The following RFC3 variants were observed in gnomAD, a reference collection of about 807,000 sequenced individuals.
RFC3 encodes the protein replication factor C subunit 3.
A neutral mutation model predicts 45.1 loss-of-function variants in RFC3; 41 were observed. The observed-to-expected ratio is 0.91, with a 90% CI of 0.71 to 1.18. The LOEUF (loss-of-function observed/expected upper bound fraction) is 1.18. Ranked by LOEUF, RFC3 falls within the 50% of genes most tolerant of loss-of-function variation. RFC3 has a pLI of 0.00. For synonymous variants in RFC3, 149 were observed against 144.0 expected, an observed-to-expected ratio of 1.03 and a Z score of -0.25; for missense variants, 423 against 428.1, an observed-to-expected ratio of 0.99 and a Z score of 0.10.
chr13:33,923,325 G>A (rs1593694553), intron 8 of RFC3, among the ~76,000 whole-genome samples: 1 of 152,072 alleles, frequency 6.6e-6, no homozygotes, highest in African/African-American at 2.4e-5. Context: ...TATTGACACA[G>A]GGAGGGGGTC....
downstream of RFC3, among the ~76,000 whole-genome samples, chr13:33,840,689 G>A (rs1053887321): frequency 1.7e-4 from 23 of 135,570 alleles, no homozygotes; most frequent in African/African-American, 3.7e-4. Context: ...CCATTTATAC[G>A]TAGTTTTTTT....
At chr13:33,908,862 A>G (rs2082687916) in intron 8 of RFC3, among the ~76,000 whole-genome samples, 1 of 152,078 alleles carries the variant, frequency 6.6e-6, no homozygotes, top group African/African-American at 2.4e-5. Context: ...AATGTTTAAA[A>G]GCAGAAAAAG....
intron 6 of RFC3, 142 bp from the exon 7 acceptor site, chr13:33,831,114 A>G (rs901658644): frequency 1.4e-5 from 9 of 630,394 alleles, no homozygotes; most frequent in Non-Finnish European, 2.5e-5. Context: ...GGTGGAACTC[A>G]GGCCATAATG....
In RFC3 at chr13:33,836,080, A is replaced by T. The variant is rs779766997; in HGVS notation, c.880-24A>T. On this transcript the variant is annotated intron_variant, in intron 8 of 8. Transcript: ENST00000380071. ...TTAGCTGTTTTTATTAATGATTTTT[A>T]AATTACTGATTATTTTTGTTTAGGG... 11 of 1,586,792 alleles carry T rather than the reference A, an allele frequency of 6.9e-6. No homozygotes were observed. In the East Asian group the frequency reaches 2.3e-4, roughly 33 times the overall value.
chr13:33,869,799 C>T (rs1410090921), intron 8 of RFC3, among the ~76,000 whole-genome samples: 1 of 152,160 alleles, frequency 6.6e-6, no homozygotes, highest in Non-Finnish European at 1.5e-5. Context: ...TGTCCGGTGT[C>T]TTAATATGCT....
chr13:33,845,291 T>C (rs1249101868), intron 8 of RFC3, among the ~76,000 whole-genome samples: 1 of 152,198 alleles, frequency 6.6e-6, no homozygotes, highest in Non-Finnish European at 1.5e-5. Flanking sequence ...TATAATTTTC[T>C]TGAACTTGAA....
At chr13:33,876,574 A>G (rs975892788) in intron 8 of RFC3, among the ~76,000 whole-genome samples, 1 of 152,242 alleles carries the variant, frequency 6.6e-6, no homozygotes, top group Non-Finnish European at 1.5e-5. Flanking sequence ...ACTGAGCCAT[A>G]GATAGTTTAT....
At chr13:33,870,151 T>C (rs1051568308) in intron 8 of RFC3, among the ~76,000 whole-genome samples, 1 of 152,184 alleles carries the variant, frequency 6.6e-6, no homozygotes, top group Non-Finnish European at 1.5e-5. Context: ...TCTGACAGAT[T>C]GAAAGCAATG....
At chr13:33,921,595 G>A (rs2137734870) in intron 8 of RFC3, among the ~76,000 whole-genome samples, 1 of 152,180 alleles carries the variant, frequency 6.6e-6, no homozygotes, top group South Asian at 2.1e-4. Context: ...CAGCAGCTTG[G>A]GATCTGTGTT....
intron 8 of RFC3, among the ~76,000 whole-genome samples, chr13:33,898,543 A>G (rs922596869): frequency 2.0e-5 from 3 of 151,960 alleles, no homozygotes; most frequent in Non-Finnish European, 4.4e-5. Flanking sequence ...ATTTATACCT[A>G]TATCAATAAA....
At chr13:33,852,221 G>A (rs1200025575) in intron 8 of RFC3, among the ~76,000 whole-genome samples, 1 of 152,008 alleles carries the variant, frequency 6.6e-6, no homozygotes, top group Non-Finnish European at 1.5e-5. Flanking sequence ...GTTACTGCAG[G>A]CCTGTCTTTA....
chr13:33,915,911 G>T (rs1217733138), intron 8 of RFC3, among the ~76,000 whole-genome samples: 1 of 152,002 alleles, frequency 6.6e-6, no homozygotes, highest in Non-Finnish European at 1.5e-5. Flanking sequence ...TGATTCTCAC[G>T]CCTCAGCCTC....
chr13:33,825,137 C>T (rs1290269839), intron 3 of RFC3, among the ~76,000 whole-genome samples: 3 of 152,136 alleles, frequency 2.0e-5, no homozygotes, highest in South Asian at 2.1e-4. Flanking sequence ...AACATTGAAT[C>T]AGCCTAAATT....
At chr13:33,964,904 A>G (rs2083078240) in intron 8 of RFC3, among the ~76,000 whole-genome samples, 1 of 152,242 alleles carries the variant, frequency 6.6e-6, no homozygotes. Context: ...AGAAACACAA[A>G]GAGGACAGAC....
intron 8 of RFC3, among the ~76,000 whole-genome samples, chr13:33,904,830 G>A (rs920127066): frequency 6.6e-6 from 1 of 152,026 alleles, no homozygotes; most frequent in African/African-American, 2.4e-5. Context: ...CATTCCCCAT[G>A]GCCAAATAAG....
chr13:33,837,010 T>C lies in RFC3; in HGVS notation c.*715T>C. Reference sequence around the variant, plus strand: ...TGTTTTGTCATTAGCTCTGCCCTTTTTAATTAAATATTTTGGTTCATGGAC... The same window carrying C: ...TGTTTTGTCATTAGCTCTGCCCTTTCTAATTAAATATTTTGGTTCATGGAC... On this transcript the variant is annotated 3_prime_UTR_variant, in exon 9 of 9. Transcript: ENST00000380071. 1 of 984,906 alleles carries C rather than the reference T, an allele frequency of 1.0e-6. No individual in the cohort carries two copies. The highest frequency in any genetic ancestry group is 4.7e-5 in the South Asian group (1 of 21,268). 61.0% of individuals were successfully genotyped at this position (984,906 alleles called of 1,614,324 possible). A position where few individuals can be genotyped will look rare whatever the true frequency, so the allele number is the denominator to read the frequency against.
At chr13:33,945,376 C>G (rs1360453022) in intron 8 of RFC3, among the ~76,000 whole-genome samples, 1 of 152,106 alleles carries the variant, frequency 6.6e-6, no homozygotes. Flanking sequence ...TTCTTAGATA[C>G]AGTTTGCAAA....
At position 33,821,262 on chromosome 13, in the gene RFC3, C is replaced by T; in HGVS notation, c.218C>T (p.Thr73Ile). The stretch of plus-strand genomic sequence containing the variant: ...GAAAAATTGAGAATTGAACATCAGA[C>T]CATCACAGTAAGCATTTCACTTTGA... Reference protein sequence around the residue: ...GVEKLRIEHQTITTPSKKKIE... With the variant: ...GVEKLRIEHQIITTPSKKKIE... The change falls in exon 2 of 9, where the codon ACC becomes ATC. Residue 73 changes from threonine to isoleucine, a missense_variant. Coordinates refer to ENST00000380071, the MANE Select transcript of RFC3 (RefSeq NM_002915.4). 1 of 1,613,112 alleles carries T rather than the reference C, an allele frequency of 6.2e-7. No homozygotes were observed. Among genetic ancestry groups the T allele is most frequent in the South Asian group, 1.1e-5 (1 of 91,056 alleles).
chr13:33,924,451 C>G (rs2082789285), intron 8 of RFC3, among the ~76,000 whole-genome samples: 1 of 151,762 alleles, frequency 6.6e-6, no homozygotes, highest in Non-Finnish European at 1.5e-5. Context: ...TTACTTACCG[C>G]TATTATAGCT....
Sources: allele counts gnomAD v4.1 joint callset (sites outside exome capture counted in the v4.1 genomes callset), GRCh38; gene constraint gnomAD v4.1.1; transcripts MANE v1.5; gene names NCBI Gene and HGNC (gene_info 2026-07-23, HGNC 2026-07-21).